KDM4C: variants seen among roughly 807,000 people sequenced by gnomAD.
KDM4C encodes lysine-specific demethylase 4C.
A neutral mutation model predicts 129.3 loss-of-function variants in KDM4C; 81 were observed. The ratio of observed to expected loss-of-function variants is 0.63; its 90% CI spans 0.52 to 0.75. KDM4C has a LOEUF of 0.75. Ranked by LOEUF, KDM4C falls within the 30% of genes least tolerant of loss-of-function variation. The probability of loss-of-function intolerance (pLI) is 0.00; values close to 1 mark genes in which losing one functional copy is unlikely to be tolerated. For missense variants in KDM4C, 1,457 were observed against 1,304.0 expected (o/e 1.12, Z -1.81); for synonymous variants, 573 against 456.1 (o/e 1.26, Z -3.26).
intron 8 of KDM4C, among the ~76,000 whole-genome samples, chr9:6,922,260 A>C (rs1821661823): frequency 6.6e-6 from 1 of 152,238 alleles, no homozygotes; most frequent in Admixed American, 6.5e-5. Context: ...GCAATGTTAT[A>C]ACACTGAACA....
chr9:7,063,508 A>C (rs1832003915), intron 17 of KDM4C, among the ~76,000 whole-genome samples: 1 of 152,184 alleles, frequency 6.6e-6, no homozygotes, highest in African/African-American at 2.4e-5. Flanking sequence ...GTGGTCTCTC[A>C]CTTGTTTATT....
chr9:7,134,446 C>T (rs577262844), intron 19 of KDM4C, among the ~76,000 whole-genome samples: 5 of 152,154 alleles, frequency 3.3e-5, no homozygotes, highest in South Asian at 2.1e-4. Context: ...AAATCCTAAC[C>T]GTTATGTTTA....
At chr9:7,070,081 A>G (rs939394785) in intron 17 of KDM4C, among the ~76,000 whole-genome samples, 2 of 152,238 alleles carry the variant, frequency 1.3e-5, no homozygotes, top group Non-Finnish European at 2.9e-5. Context: ...AAACAGACTG[A>G]CAAAATCAAA....
chr9:7,044,089 A>G (rs991698514), intron 15 of KDM4C, among the ~76,000 whole-genome samples: 3 of 152,170 alleles, frequency 2.0e-5, no homozygotes, highest in African/African-American at 7.2e-5. Context: ...AGCATGCAAC[A>G]AATAGTTGCA....
rs1454105651 is a variant in KDM4C at position 6,863,665 on chromosome 9, G to A, written c.629+13965G>A. On this transcript the variant is annotated intron_variant, in intron 5 of 21. Coordinates refer to ENST00000381309, the MANE Select transcript of KDM4C (RefSeq NM_015061.6). Reference sequence around the variant, plus strand: ...CAAAAAATTAGCCAGGCGTGGTGGCGGGCGCCTGTAGTTCCAGCTACTCAG... The same window carrying A: ...CAAAAAATTAGCCAGGCGTGGTGGCAGGCGCCTGTAGTTCCAGCTACTCAG... Among the ~76,000 whole-genome samples the A allele has an allele frequency of 5.9e-5, 9 of 151,812 alleles. No individual in the cohort carries two copies. The East Asian group carries it at 1.2e-3, about 20-fold the overall frequency.
At chr9:6,776,133 A>T (rs999877259) in intron 1 of KDM4C, among the ~76,000 whole-genome samples, 1 of 152,156 alleles carries the variant, frequency 6.6e-6, no homozygotes, top group African/African-American at 2.4e-5. Context: ...CTCCTGGTCT[A>T]GAATGTAGTG....
chr9:7,169,146 C>A (rs553276501), intron 20 of KDM4C, among the ~76,000 whole-genome samples: 2 of 151,696 alleles, frequency 1.3e-5, no homozygotes, highest in African/African-American at 4.8e-5. Context: ...AAGAAATGAA[C>A]CGTGCTGACA....
chr9:6,742,957 G>C (rs1384589261), intron 1 of KDM4C, among the ~76,000 whole-genome samples: 2 of 152,184 alleles, frequency 1.3e-5, no homozygotes, highest in African/African-American at 4.8e-5. Flanking sequence ...GTTGCAGTGA[G>C]CCAAGATTGT....
chr9:7,076,767 C>T (rs1833967336), intron 17 of KDM4C: 1 of 1,100,542 alleles, frequency 9.1e-7, no homozygotes, highest in Non-Finnish European at 1.1e-6. Context: ...CTTTCTGTAT[C>T]CTAGAGTTTC....
intron 17 of KDM4C, among the ~76,000 whole-genome samples, chr9:7,054,193 T>G (rs75574888): frequency 0.031 from 4,756 of 152,306 alleles, 253 homozygotes; most frequent in African/African-American, 0.11. Context: ...GGACGTTTCC[T>G]TCTCCCCGTA....
chr9:6,817,190 C>T (rs1314883869), intron 4 of KDM4C, among the ~76,000 whole-genome samples: 1 of 103,584 alleles, frequency 9.7e-6, no homozygotes, highest in African/African-American at 3.2e-5. Flanking sequence ...TTGGCCCCTC[C>T]CCCTGCCCCC....
intron 8 of KDM4C, among the ~76,000 whole-genome samples, chr9:6,904,152 T>C (rs1157617364): frequency 1.3e-5 from 2 of 152,010 alleles, no homozygotes; most frequent in Non-Finnish European, 2.9e-5. Context: ...GGCAGGAGAA[T>C]TGCTTGAATT....
chr9:7,029,778 A>G (rs1445330334), intron 15 of KDM4C, among the ~76,000 whole-genome samples: 1 of 152,172 alleles, frequency 6.6e-6, no homozygotes, highest in African/African-American at 2.4e-5. Flanking sequence ...CTGCATGTGA[A>G]GATTGATAAT....
At chr9:6,909,003 G>T (rs1818812366) in intron 8 of KDM4C, among the ~76,000 whole-genome samples, 2 of 152,086 alleles carry the variant, frequency 1.3e-5, no homozygotes, top group African/African-American at 4.8e-5. Flanking sequence ...GTCTCTTATT[G>T]TCCTGTGACA....
chr9:7,091,599 A>G (rs1449857314), intron 17 of KDM4C, among the ~76,000 whole-genome samples: 1 of 151,726 alleles, frequency 6.6e-6, no homozygotes, highest in Admixed American at 6.5e-5. Context: ...TTTACTAAAC[A>G]TGGCTACAAG....
chr9:6,939,937 A>C (rs1043114100), intron 8 of KDM4C, among the ~76,000 whole-genome samples: 1 of 150,326 alleles, frequency 6.7e-6, no homozygotes. Context: ...CTTTTACCCC[A>C]TGTGCTTTAA....
intron 3 of KDM4C, among the ~76,000 whole-genome samples, chr9:6,813,153 C>G (rs1831472087): frequency 6.6e-6 from 1 of 151,826 alleles, no homozygotes; most frequent in South Asian, 2.1e-4. Context: ...CCAGCCTGGG[C>G]AACAAGAGTG....
At chr9:6,836,602 G>T (rs1342962108) in intron 4 of KDM4C, among the ~76,000 whole-genome samples, 1 of 151,962 alleles carries the variant, frequency 6.6e-6, no homozygotes, top group Non-Finnish European at 1.5e-5. Context: ...TTGATTTCTT[G>T]CCTTGTAAAA....
chr9:7,097,070 CCTT>C (rs1422288339), intron 17 of KDM4C, among the ~76,000 whole-genome samples: 3 of 152,142 alleles, frequency 2.0e-5, no homozygotes, highest in Non-Finnish European at 4.4e-5. Context: ...TGTTTTTCCT[CCTT>C]CTTCATCCCA....
Sources: allele counts gnomAD v4.1 joint callset (sites outside exome capture counted in the v4.1 genomes callset), GRCh38; gene constraint gnomAD v4.1.1; transcripts MANE v1.5; gene names NCBI Gene and HGNC (gene_info 2026-07-23, HGNC 2026-07-21).